The following CAMTA1 variants were observed in gnomAD, a reference collection of about 807,000 sequenced individuals.
CAMTA1 encodes calmodulin-binding transcription activator 1.
CAMTA1 carries 27 observed loss-of-function variants against 170.9 expected under a neutral mutation model. The observed-to-expected ratio is 0.16, with a 90% confidence interval of 0.12 to 0.22. CAMTA1 has a LOEUF of 0.22. Ranked by LOEUF, CAMTA1 falls within the 10% of genes least tolerant of loss-of-function variation. CAMTA1 has a pLI of 1.00. For missense variants in CAMTA1, 1,619 were observed against 2,217.2 expected (o/e 0.73, Z 5.42); for synonymous variants, 833 against 891.5 (o/e 0.93, Z 1.17).
intron 3 of CAMTA1, among the ~76,000 whole-genome samples, chr1:6,908,976 T>C (rs1346678300): frequency 2.0e-5 from 3 of 152,230 alleles, no homozygotes; most frequent in Non-Finnish European, 4.4e-5. Flanking sequence ...TTAAAAAGCA[T>C]CGAATCAAAG....
chr1:6,988,663 A>G (rs557445900), intron 3 of CAMTA1, among the ~76,000 whole-genome samples: 3 of 152,152 alleles, frequency 2.0e-5, no homozygotes, highest in African/African-American at 4.8e-5. Context: ...TTTGTCGGAA[A>G]TGAGCATCAT....
chr1:6,815,249 G>A (rs1645647985), intron 1 of CAMTA1, among the ~76,000 whole-genome samples: 1 of 151,060 alleles, frequency 6.6e-6, no homozygotes, highest in Admixed American at 6.6e-5. Context: ...CTGTTGCCTA[G>A]GCTATAGTGC....
chr1:7,127,131 C>G (rs769767834), intron 4 of CAMTA1, among the ~76,000 whole-genome samples: 20 of 151,972 alleles, frequency 1.3e-4, no homozygotes, highest in Non-Finnish European at 2.6e-4. Context: ...GGGCTGAGCC[C>G]GCAGACGTGG....
intron 4 of CAMTA1, among the ~76,000 whole-genome samples, chr1:7,184,309 A>G (rs1341972132): frequency 1.3e-5 from 2 of 152,206 alleles, no homozygotes; most frequent in Admixed American, 1.3e-4. Context: ...GTATTTGCTA[A>G]CACAATAGGG....
chr1:6,887,974 G>A lies in CAMTA1; in HGVS notation c.234+62764G>A. 8.2e-7 allele frequency: 1 copy of A among 1,216,482 alleles called. No individual in the cohort carries two copies. The highest frequency in any genetic ancestry group is 1.0e-6 in the Non-Finnish European group (1 of 968,324). The allele number at this position is 1,216,482 out of a possible 1,614,324, so 75.4% of individuals were successfully genotyped here. On this transcript the variant is annotated intron_variant, in intron 3 of 22. Coordinates refer to ENST00000303635, the MANE Select transcript of CAMTA1 (RefSeq NM_015215.4). This position sits in a 1 kb window ranked among gnomAD's most constrained non-coding sequence, Gnocchi z 4.1. ...CAGGGCTCTGTGCACACGCCTCCTG[G>A]TCCAGAGGCCTCCGTGACCATCCAT... is the stretch of plus-strand genomic sequence containing the variant.
At chr1:7,267,251 T>A (rs1669076621) in intron 5 of CAMTA1, among the ~76,000 whole-genome samples, 1 of 152,178 alleles carries the variant, frequency 6.6e-6, no homozygotes, top group South Asian at 2.1e-4. Context: ...GGATTTTAGA[T>A]GGCTTCACAG....
intron 7 of CAMTA1, among the ~76,000 whole-genome samples, chr1:7,655,009 CACACACCCCTATAT>C (rs1235142640): frequency 6.7e-6 from 1 of 149,556 alleles, no homozygotes; most frequent in Non-Finnish European, 1.5e-5. Context: ...CACACCTATA[CACACACCCCTATAT>C]ACACAAACAC....
At chr1:7,640,679 C>A in intron 7 of CAMTA1, 126 bp downstream of exon 7, 1 of 1,105,320 alleles carries the variant, frequency 9.0e-7, no homozygotes, top group Non-Finnish European at 1.3e-6. Context: ...GCTGGAATGA[C>A]AGTGGCACCG....
Position 6,886,841 on chromosome 1 carries a change from T to C in CAMTA1, c.234+61631T>C, listed in dbSNP as rs141938665. On this transcript the variant is annotated intron_variant, in intron 3 of 22. Coordinates refer to ENST00000303635, the MANE Select transcript of CAMTA1 (RefSeq NM_015215.4). ...AACAGATCTGGGGCTTGCCTTCAGC[T>C]TCACTGTGCATTTTTGGTCATTTTG... Among the ~76,000 whole-genome samples the C allele has an allele frequency of 1.2e-4, 18 of 152,336 alleles. 1 individual carries two copies. In the East Asian group the frequency reaches 3.3e-3, roughly 28 times the overall value.
intron 3 of CAMTA1, among the ~76,000 whole-genome samples, chr1:6,861,891 A>T (rs1250156310): frequency 6.7e-6 from 1 of 149,650 alleles, no homozygotes; most frequent in Non-Finnish European, 1.5e-5. Flanking sequence ...CCCGGCAACC[A>T]CCCTTTTACT....
chr1:7,166,772 G>T (rs942738881), intron 4 of CAMTA1, among the ~76,000 whole-genome samples: 2 of 149,538 alleles, frequency 1.3e-5, no homozygotes, highest in African/African-American at 4.9e-5. Flanking sequence ...GTTCCTAATG[G>T]TGTCTTGGTG....
At chr1:7,309,551 G>A (rs545612600) in intron 5 of CAMTA1, among the ~76,000 whole-genome samples, 5 of 151,682 alleles carry the variant, frequency 3.3e-5, no homozygotes, top group Admixed American at 1.3e-4. Context: ...CGCCCGCCTC[G>A]GCCTCCCAAA....
At chr1:7,343,744 C>T (rs2084013522) in intron 5 of CAMTA1, among the ~76,000 whole-genome samples, 1 of 152,120 alleles carries the variant, frequency 6.6e-6, no homozygotes, top group South Asian at 2.1e-4. Flanking sequence ...TTAAATACTA[C>T]CTTGTTTACT....
At chr1:7,638,850 C>T (rs1311349774) in intron 6 of CAMTA1, among the ~76,000 whole-genome samples, 3 of 152,192 alleles carry the variant, frequency 2.0e-5, no homozygotes, top group Admixed American at 2.0e-4. Flanking sequence ...ATCCCAGGGA[C>T]ACTGCTGCCT....
intron 3 of CAMTA1, among the ~76,000 whole-genome samples, chr1:6,966,611 C>CTTT (rs70984045): frequency 0.24 from 31,305 of 128,082 alleles, 4,504 homozygotes; most frequent in African/African-American, 0.27. Context: ...CTTTTGAAAC[C>CTTT]TTTTTTTTTT....
intron 6 of CAMTA1, among the ~76,000 whole-genome samples, chr1:7,533,904 A>T (rs2094519768): frequency 6.6e-6 from 1 of 151,820 alleles, no homozygotes. Context: ...ACAGAGCGAG[A>T]CCTTGTCCCC....
intron 6 of CAMTA1, among the ~76,000 whole-genome samples, chr1:7,523,602 G>A (rs1353521251): frequency 6.6e-6 from 1 of 152,170 alleles, no homozygotes; most frequent in Non-Finnish European, 1.5e-5. Context: ...TTTTTGGCCG[G>A]GTGCGGTGGC....
chr1:7,504,873 A>C (rs1211257619), intron 6 of CAMTA1, among the ~76,000 whole-genome samples: 1 of 152,196 alleles, frequency 6.6e-6, no homozygotes, highest in Non-Finnish European at 1.5e-5. Context: ...CCACCACCTC[A>C]CTGGGCAGAA....
chr1:7,755,694 TTTCTC>T, intron 22 of CAMTA1, 26 bp downstream of exon 22: 1 of 1,610,526 alleles, frequency 6.2e-7, no homozygotes, highest in African/African-American at 1.3e-5. Flanking sequence ...TGCTAGCCAG[TTTCTC>T]TTCTCTTCCA....
Sources: allele counts gnomAD v4.1 joint callset (sites outside exome capture counted in the v4.1 genomes callset), GRCh38; gene constraint gnomAD v4.1.1; non-coding constraint Gnocchi (gnomAD v3.1); transcripts MANE v1.5; gene names NCBI Gene and HGNC (gene_info 2026-07-23, HGNC 2026-07-21).